The following LARGE1 variants were observed in gnomAD, a reference collection of about 807,000 sequenced individuals.
LARGE1 encodes the protein xylosyl- and glucuronyltransferase LARGE1.
Under a neutral mutation model 87.6 loss-of-function variants are expected in LARGE1, and 43 were observed. The ratio of observed to expected loss-of-function variants is 0.49; its 90% CI spans 0.38 to 0.63. The LOEUF is 0.63. Ranked by LOEUF, LARGE1 falls within the 30% of genes least tolerant of loss-of-function variation. The pLI is 0.00. For synonymous variants in LARGE1, 434 were observed against 394.6 expected, an observed-to-expected ratio of 1.10 and a Z score of -1.18; for missense variants, 802 against 1,000.2, an observed-to-expected ratio of 0.80 and a Z score of 2.67.
chr22:33,777,700 A>G, intron 1 of LARGE1, among the ~76,000 whole-genome samples: 1 of 140,860 alleles, frequency 7.1e-6, no homozygotes, highest in Non-Finnish European at 1.5e-5. Context: ...AAGGGAAGGC[A>G]GGGGAAGGGA....
the LARGE1 span, among the ~76,000 whole-genome samples, chr22:33,099,049 G>A: frequency 6.6e-6 from 1 of 151,962 alleles, no homozygotes; most frequent in Non-Finnish European, 1.5e-5. Context: ...CCATCATCAA[G>A]TTTCTCCCAT....
At chr22:33,492,477 T>A (rs1220532701) in intron 6 of LARGE1, among the ~76,000 whole-genome samples, 1 of 152,190 alleles carries the variant, frequency 6.6e-6, no homozygotes, top group Non-Finnish European at 1.5e-5. Context: ...CCCTTTGAAA[T>A]GGAAAGTGCT....
At chr22:33,442,633 T>A (rs1354059236) in intron 6 of LARGE1, among the ~76,000 whole-genome samples, 1 of 152,166 alleles carries the variant, frequency 6.6e-6, no homozygotes, top group Non-Finnish European at 1.5e-5. Context: ...ATGTCAGTGA[T>A]GAGTTTTCTC....
intron 6 of LARGE1, among the ~76,000 whole-genome samples, chr22:33,519,263 C>CA (rs1483946577): frequency 6.9e-6 from 1 of 144,660 alleles, no homozygotes; most frequent in Non-Finnish European, 1.5e-5. Context: ...TGTGTGGTCA[C>CA]ATATGCCTCA....
intron 10 of LARGE1, among the ~76,000 whole-genome samples, chr22:33,332,250 G>GT (rs1937815229): frequency 6.6e-6 from 1 of 152,072 alleles, no homozygotes; most frequent in Non-Finnish European, 1.5e-5. Context: ...CCCTATACTG[G>GT]TCTCATGATA....
chr22:33,428,749 C>T (rs1407873948), intron 7 of LARGE1, among the ~76,000 whole-genome samples: 2 of 132,154 alleles, frequency 1.5e-5, no homozygotes, highest in Non-Finnish European at 3.2e-5. Flanking sequence ...GGTGAAACCC[C>T]GTCACTACTA....
chr22:33,154,782 A>G, the LARGE1 span, among the ~76,000 whole-genome samples: 2 of 152,040 alleles, frequency 1.3e-5, no homozygotes, highest in Non-Finnish European at 2.9e-5. Context: ...TACAGATTTG[A>G]TATGGTTTGG....
chr22:33,495,329 C>T (rs774577971), intron 6 of LARGE1, among the ~76,000 whole-genome samples: 4 of 152,210 alleles, frequency 2.6e-5, no homozygotes, highest in Non-Finnish European at 5.9e-5. Flanking sequence ...TTTACGCTCT[C>T]CCAAGCCCTT....
intron 4 of LARGE1, among the ~76,000 whole-genome samples, chr22:33,612,109 C>T (rs1239841750): frequency 6.6e-6 from 1 of 152,016 alleles, no homozygotes; most frequent in Non-Finnish European, 1.5e-5. Context: ...AGTTTCCCCC[C>T]ACCCACCCCC....
rs546586102 is a variant in LARGE1 at position 33,545,090 on chromosome 22, CACA to C, written c.787+19755_787+19757del. 1.2e-4 allele frequency among the ~76,000 whole-genome samples: 19 copies of C among 152,144 alleles called. No homozygotes were observed. In the South Asian group the frequency reaches 2.3e-3, roughly 18 times the overall value. On this transcript the variant is annotated intron_variant, in intron 6 of 14. Coordinates refer to ENST00000397394, the MANE Select transcript of LARGE1 (RefSeq NM_133642.5). ...ACGTGTTATAGTGAAACATCAAAAC[CACA>C]ACAACAAAAAGAAAAATCACAGACA...
At chr22:33,579,034 A>C (rs924450217) in intron 5 of LARGE1, among the ~76,000 whole-genome samples, 3 of 152,342 alleles carry the variant, frequency 2.0e-5, no homozygotes, top group Non-Finnish European at 4.4e-5. Flanking sequence ...GCTTGGAAAC[A>C]TATGTCCAGA....
chr22:33,654,122 G>A (rs1053017135), intron 2 of LARGE1, among the ~76,000 whole-genome samples: 11 of 152,134 alleles, frequency 7.2e-5, no homozygotes, highest in African/African-American at 2.4e-4. Flanking sequence ...AAAGACGTGC[G>A]GGGGTTTTCC....
chr22:33,617,235 C>T (rs2079606746), intron 4 of LARGE1, among the ~76,000 whole-genome samples: 1 of 152,192 alleles, frequency 6.6e-6, no homozygotes, highest in Non-Finnish European at 1.5e-5. Flanking sequence ...GACTAACGGC[C>T]ATAAAGGAGG....
rs147178381 is a variant in LARGE1, at chr22:33,188,861, G to A, written c.1731-22029C>T. On this transcript the variant is annotated intron_variant, in intron 11 of 11. Transcript: ENST00000608642. Reference sequence around the variant, plus strand: ...TTGACTTCCAGGAAGGCACTTGCAGGAGGTTGTGGGACAAGGGCATCTCTC... The same window carrying A: ...TTGACTTCCAGGAAGGCACTTGCAGAAGGTTGTGGGACAAGGGCATCTCTC... Among the ~76,000 whole-genome samples, 4 of 152,234 alleles carry A rather than the reference G, an allele frequency of 2.6e-5. No individual in the cohort carries two copies. In the East Asian group the frequency reaches 5.8e-4, roughly 22 times the overall value.
intron 6 of LARGE1, among the ~76,000 whole-genome samples, chr22:33,464,555 C>G (rs1249170741): frequency 6.6e-6 from 1 of 151,978 alleles, no homozygotes; most frequent in African/African-American, 2.4e-5. Context: ...AAAAAATGGG[C>G]AAAAGATATA....
intron 6 of LARGE1, among the ~76,000 whole-genome samples, chr22:33,550,827 T>C (rs1487767432): frequency 6.6e-6 from 1 of 152,190 alleles, no homozygotes; most frequent in African/African-American, 2.4e-5. Flanking sequence ...AAATGTGGTA[T>C]ACAGATGCAT....
chr22:33,181,312 G>A (rs1446406872), intron 11 of LARGE1, among the ~76,000 whole-genome samples: 2 of 152,028 alleles, frequency 1.3e-5, no homozygotes, highest in African/African-American at 4.8e-5. Context: ...AGTATCTACT[G>A]TATACATGAT....
chr22:33,578,994 T>C (rs1179509554), intron 5 of LARGE1, among the ~76,000 whole-genome samples: 1 of 152,202 alleles, frequency 6.6e-6, no homozygotes, highest in African/African-American at 2.4e-5. Flanking sequence ...GAGAAAGCTG[T>C]TAACACCAAA....
At chr22:33,133,355 G>T in the LARGE1 span, among the ~76,000 whole-genome samples, 31 of 152,228 alleles carry the variant, frequency 2.0e-4, no homozygotes, top group Non-Finnish European at 3.5e-4. Flanking sequence ...ACAGGCCCCA[G>T]TGTGTGATGT....
Sources: allele counts gnomAD v4.1 joint callset (sites outside exome capture counted in the v4.1 genomes callset), GRCh38; gene constraint gnomAD v4.1.1; transcripts MANE v1.5; gene names NCBI Gene and HGNC (gene_info 2026-07-23, HGNC 2026-07-21).